TMEM131: variants seen among roughly 807,000 people sequenced by gnomAD.
TMEM131 encodes the protein 2610524E03Rik.
Under a neutral mutation model 211.6 loss-of-function variants are expected in TMEM131, and 66 were observed. The ratio of observed to expected loss-of-function variants is 0.31; its 90% confidence interval spans 0.26 to 0.38. TMEM131 has a LOEUF of 0.38. Among genes scored for constraint, TMEM131 ranks in the 10% least tolerant of loss-of-function variants. TMEM131 has a pLI of 1.00. For missense variants in TMEM131, 2,036 were observed against 2,299.3 expected (o/e 0.89, Z 2.34); for synonymous variants, 844 against 841.3 (o/e 1.00, Z -0.06).
At chr2:97,818,172 G>A (rs971285304) in intron 12 of TMEM131, among the ~76,000 whole-genome samples, 1 of 152,102 alleles carries the variant, frequency 6.6e-6, no homozygotes, top group Non-Finnish European at 1.5e-5. Flanking sequence ...AGCTTAAGTA[G>A]GGGATCTGCT....
At chr2:97,825,645 T>C (rs1156269614) in intron 11 of TMEM131, among the ~76,000 whole-genome samples, 4 of 152,180 alleles carry the variant, frequency 2.6e-5, no homozygotes, top group Non-Finnish European at 5.9e-5. Flanking sequence ...TTAAGCCTTC[T>C]CACAGGACAA....
intron 1 of TMEM131, among the ~76,000 whole-genome samples, chr2:97,940,307 G>C (rs1205179814): frequency 2.6e-5 from 4 of 152,156 alleles, no homozygotes; most frequent in African/African-American, 7.2e-5. Flanking sequence ...AAGCTGATAA[G>C]CAACTTCAGC....
At chr2:97,943,026 GAAAAGAAAAGA>G (rs1357215294) in intron 1 of TMEM131, among the ~76,000 whole-genome samples, 1,548 of 80,644 alleles carry the variant, frequency 0.019, 29 homozygotes, top group African/African-American at 0.025. Context: ...GAAAAGAAAA[GAAAAGAAAAGA>G]AAAGAAAGAA....
Position 97,759,722 on chromosome 2 carries a change from G to A in TMEM131, c.5136C>T (p.Asn1712=), listed in dbSNP as rs767365430. 6.2e-7 allele frequency: 1 copy of A among 1,613,500 alleles called. No homozygotes were observed. Among genetic ancestry groups the A allele is most frequent in the Non-Finnish European group, 8.5e-7 (1 of 1,179,694 alleles). The change falls in exon 39 of 41, where the codon AAC becomes AAT. Residue 1712 remains asparagine, a synonymous_variant. Coordinates refer to ENST00000186436, the MANE Select transcript of TMEM131 (RefSeq NM_015348.2). ...DSSGLWSPVS[N]PSSPDFTPLN... is the part of the protein sequence containing the mutation. ...GGGGAGTGAAGTCAGGGCTGCTTGG[G>A]TTGCTGACGGGACTCCACAAACCCG... is the stretch of plus-strand genomic sequence containing the variant.
At chr2:97,991,576 G>A (rs1033363257) in intron 1 of TMEM131, among the ~76,000 whole-genome samples, 8 of 152,168 alleles carry the variant, frequency 5.3e-5, no homozygotes, top group African/African-American at 1.9e-4. Context: ...GACACACACA[G>A]GGAGGAAGAC....
Position 97,796,297 on chromosome 2 carries a change from A to AT in TMEM131, c.3120dup (p.Cys1041MetfsTer2). ...ACAACTTTAAAGCCATATCCTTCAC[A>AT]TGAGTATCCACTGATTTCAATGGTT... On this transcript the variant is annotated frameshift_variant, in exon 28 of 41. Transcript: ENST00000186436. LOFTEE classifies it high-confidence loss of function. The AT allele has an allele frequency of 6.4e-7, 1 of 1,568,412 alleles. No homozygotes were observed.
At chr2:97,799,382 C>G (rs577413445) in intron 25 of TMEM131, among the ~76,000 whole-genome samples, 31 of 152,054 alleles carry the variant, frequency 2.0e-4, no homozygotes, top group Non-Finnish European at 4.1e-4. Flanking sequence ...CTACAGCTAC[C>G]ATGTTGTTTT....
At chr2:97,784,010 G>A (rs1680135889) in intron 31 of TMEM131, among the ~76,000 whole-genome samples, 1 of 151,810 alleles carries the variant, frequency 6.6e-6, no homozygotes, top group African/African-American at 2.4e-5. Flanking sequence ...AGAAGGACAT[G>A]ATATAATGAT....
intron 5 of TMEM131, among the ~76,000 whole-genome samples, chr2:97,851,030 G>C (rs1163962603): frequency 2.0e-5 from 3 of 151,178 alleles, no homozygotes; most frequent in Non-Finnish European, 4.4e-5. Flanking sequence ...TGATGGATAG[G>C]AGATCTGAGT....
chr2:97,970,152 T>C (rs934189280), intron 1 of TMEM131, among the ~76,000 whole-genome samples: 19 of 152,204 alleles, frequency 1.2e-4, no homozygotes, highest in African/African-American at 4.6e-4. Context: ...GGAACCAGCA[T>C]GGATACTGAA....
intron 25 of TMEM131, among the ~76,000 whole-genome samples, chr2:97,798,841 T>C (rs55804443): frequency 0.022 from 3,352 of 152,320 alleles, 135 homozygotes; most frequent in African/African-American, 0.076. Flanking sequence ...TTCAAGATGG[T>C]TGGTGAGTAA....
chr2:97,801,929 A>G lies in TMEM131; in HGVS notation c.2684T>C (p.Leu895Ser). 1 of 1,608,650 alleles carries G rather than the reference A, an allele frequency of 6.2e-7. No individual in the cohort carries two copies. Among genetic ancestry groups the G allele is most frequent in the Non-Finnish European group, 8.5e-7 (1 of 1,177,560 alleles). ...FNLSKVAKID[L>S]RTLEFQVFRN... The stretch of plus-strand genomic sequence containing the variant: ...GAAGACTTGAAATTCTAGTGTTCTC[A>G]AATCTATCTTTGCCACCTTACTCAA... The change falls in exon 25 of 41, where the codon TTG (leucine) becomes TCG (serine). Residue 895 changes from leucine to serine, a missense_variant. Physicochemically the swap from Leu to Ser is moderately radical, Grantham distance 145 (BLOSUM62 -2). Around this residue, in one of 3 missense-constraint regions of TMEM131, gnomAD observed 1,623 missense variants for 1,805.9 expected, o/e 0.90. Coordinates refer to ENST00000186436, the MANE Select transcript of TMEM131 (RefSeq NM_015348.2).
chr2:97,803,233 G>A (rs1681117062), intron 22 of TMEM131, among the ~76,000 whole-genome samples: 2 of 152,174 alleles, frequency 1.3e-5, no homozygotes, highest in South Asian at 4.1e-4. Flanking sequence ...ACATCTACAA[G>A]CAGGGTGCTA....
At chr2:97,797,078 CAT>C in intron 26 of TMEM131, 92 bp from the exon 27 acceptor site, 1 of 1,301,096 alleles carries the variant, frequency 7.7e-7, no homozygotes, top group Non-Finnish European at 1.1e-6. Flanking sequence ...CAGAGCACCA[CAT>C]AGAAATTAAA....
rs1680471256 is a variant in TMEM131, at chr2:97,995,589, AGC to A, written c.72_73del (p.Leu25GlyfsTer7). 1 of 1,273,710 alleles carries A rather than the reference AGC, an allele frequency of 7.9e-7. No homozygotes were observed. The highest frequency in any genetic ancestry group is 9.9e-7 in the Non-Finnish European group (1 of 1,012,678). The allele number at this position is 1,273,710 out of a possible 1,614,324, so 78.9% of individuals were successfully genotyped here. ...CCCGCTACGGGCGGCCGCAGGTTCC[AGC>A]CCGGCCCCGGCGGACGTGGAGACGG... On this transcript the variant is annotated frameshift_variant, in exon 1 of 41. Transcript: ENST00000186436. LOFTEE classifies it high-confidence loss of function.
chr2:97,888,247 T>A (rs1425971541), intron 3 of TMEM131, 127 bp from the exon 4 acceptor site: 1 of 607,662 alleles, frequency 1.6e-6, no homozygotes, highest in Non-Finnish European at 2.8e-6. Flanking sequence ...TAACAATCTA[T>A]CAGAAATGTG....
At chr2:97,827,060 G>GTTATCACTT (rs1682424658) in intron 11 of TMEM131, among the ~76,000 whole-genome samples, 1 of 100,708 alleles carries the variant, frequency 9.9e-6, no homozygotes, top group East Asian at 2.7e-4. Context: ...TATTCAGTAA[G>GTTATCACTT]TGATAAGCAA....
intron 3 of TMEM131, among the ~76,000 whole-genome samples, chr2:97,894,148 T>C (rs1675502178): frequency 6.6e-6 from 1 of 152,234 alleles, no homozygotes; most frequent in African/African-American, 2.4e-5. Flanking sequence ...CCTTTCTGCA[T>C]TGCTTGTTTT....
intron 4 of TMEM131, among the ~76,000 whole-genome samples, chr2:97,877,646 T>C (rs1173112836): frequency 1.3e-5 from 2 of 152,194 alleles, no homozygotes; most frequent in Non-Finnish European, 2.9e-5. Context: ...GAAAACTGGC[T>C]AGCCATATGC....
Sources: gnomAD v4.1 joint callset for allele counts (sites outside exome capture counted in the v4.1 genomes callset) on GRCh38, gnomAD v4.1.1 for gene constraint, gnomAD v4.1.1 regional missense constraint, MANE v1.5 for transcripts, NCBI Gene and HGNC (gene_info 2026-07-23, HGNC 2026-07-21) for gene names.